The following ULK4 variants were observed in gnomAD, a reference collection of about 807,000 sequenced individuals.
ULK4 encodes unc-51 like kinase 4.
In ULK4, 133 loss-of-function variants were observed where a neutral mutation model predicts 160.6. That is an observed-to-expected ratio of 0.83 (90% CI 0.72 to 0.96). ULK4 has a LOEUF of 0.96. ULK4 is among the 40% of genes least tolerant of loss of function. The pLI is 0.00. For synonymous variants in ULK4, 534 were observed against 539.8 expected (o/e 0.99, Z 0.15); for missense variants, 1,580 against 1,499.5 (o/e 1.05, Z -0.89).
chr3:41,928,213 A>G (rs1363314565), intron 5 of ULK4, among the ~76,000 whole-genome samples: 2 of 152,170 alleles, frequency 1.3e-5, no homozygotes, highest in Non-Finnish European at 2.9e-5. Flanking sequence ...AAACCACACA[A>G]CTACATGGAA....
intron 19 of ULK4, among the ~76,000 whole-genome samples, chr3:41,815,549 C>T (rs1459066265): frequency 6.6e-6 from 1 of 152,164 alleles, no homozygotes; most frequent in Non-Finnish European, 1.5e-5. Context: ...CTCTGTAAAT[C>T]AAGTGAGGAC....
At chr3:41,630,693 C>T (rs1415686141) in intron 30 of ULK4, among the ~76,000 whole-genome samples, 1 of 152,184 alleles carries the variant, frequency 6.6e-6, no homozygotes, top group Non-Finnish European at 1.5e-5. Flanking sequence ...TGGAAATCTC[C>T]AAGGCCATCT....
At chr3:41,836,492 C>T (rs995833275) in intron 17 of ULK4, among the ~76,000 whole-genome samples, 1 of 152,060 alleles carries the variant, frequency 6.6e-6, no homozygotes, top group African/African-American at 2.4e-5. Context: ...TTATAAAGCA[C>T]TTCCACCGTA....
chr3:41,422,468 A>C (rs565900144), intron 34 of ULK4, among the ~76,000 whole-genome samples: 1 of 152,232 alleles, frequency 6.6e-6, no homozygotes, highest in East Asian at 1.9e-4. Context: ...TTTAAGTTTG[A>C]TATTTTTATC....
At chr3:41,887,900 C>T (rs1003384411) in intron 16 of ULK4, among the ~76,000 whole-genome samples, 1 of 151,650 alleles carries the variant, frequency 6.6e-6, no homozygotes, top group African/African-American at 2.4e-5. Context: ...AAGTGACTCA[C>T]ATCTGTAATC....
chr3:41,425,333 G>A (rs1178313615), intron 34 of ULK4, among the ~76,000 whole-genome samples: 3 of 152,162 alleles, frequency 2.0e-5, no homozygotes, highest in Admixed American at 2.0e-4. Flanking sequence ...TGGGGTACCT[G>A]AAAAGATACG....
At chr3:41,911,256 G>A (rs1323573016) in intron 11 of ULK4, 61 bp downstream of exon 11, 2 of 1,525,850 alleles carry the variant, frequency 1.3e-6, no homozygotes, top group African/African-American at 2.8e-5. Flanking sequence ...CAAGATAGCA[G>A]ATGCTTTAAG....
chr3:41,738,295 A>G (rs2038124212), intron 22 of ULK4, among the ~76,000 whole-genome samples: 2 of 151,940 alleles, frequency 1.3e-5, no homozygotes, highest in Non-Finnish European at 2.9e-5. Flanking sequence ...GCAAATCATC[A>G]TAGCCCTGGC....
At chr3:41,735,908 T>C (rs2038024063) in intron 22 of ULK4, among the ~76,000 whole-genome samples, 1 of 139,592 alleles carries the variant, frequency 7.2e-6, no homozygotes, top group African/African-American at 2.7e-5. Context: ...GTTCTCATTG[T>C]TCAATTCCCA....
At chr3:41,955,437 C>A (rs1700449844) in intron 1 of ULK4, 1 of 152,426 alleles carries the variant, frequency 6.6e-6, no homozygotes, top group South Asian at 2.1e-4. Context: ...CATTGGAGAC[C>A]AGCAGCCATG....
At chr3:41,831,923 C>T (rs1314843602) in intron 18 of ULK4, among the ~76,000 whole-genome samples, 2 of 152,070 alleles carry the variant, frequency 1.3e-5, no homozygotes, top group Non-Finnish European at 2.9e-5. Context: ...TGTATATGTG[C>T]CACATTTTCT....
chr3:41,613,612 A>G (rs1305342341), intron 31 of ULK4, among the ~76,000 whole-genome samples: 2 of 152,246 alleles, frequency 1.3e-5, no homozygotes, highest in African/African-American at 4.8e-5. Flanking sequence ...AGTTCACAGG[A>G]TAACTGCTAC....
intron 19 of ULK4, among the ~76,000 whole-genome samples, chr3:41,816,235 T>A (rs899109972): frequency 2.0e-5 from 3 of 152,022 alleles, no homozygotes; most frequent in Non-Finnish European, 4.4e-5. Context: ...AATACACACA[T>A]ACTCACACAC....
intron 35 of ULK4, among the ~76,000 whole-genome samples, chr3:41,379,412 A>C (rs2081596978): frequency 6.6e-6 from 1 of 152,186 alleles, no homozygotes; most frequent in Non-Finnish European, 1.5e-5. Context: ...CAACTGAAAA[A>C]GGAAATCAAG....
chr3:41,761,939 C>T (rs938541062), intron 21 of ULK4, among the ~76,000 whole-genome samples: 2 of 151,814 alleles, frequency 1.3e-5, no homozygotes, highest in African/African-American at 2.4e-5. Flanking sequence ...TAATAATTAG[C>T]CAGGCATGAT....
intron 35 of ULK4, among the ~76,000 whole-genome samples, chr3:41,266,987 T>G (rs2079046056): frequency 8.2e-6 from 1 of 122,228 alleles, no homozygotes; most frequent in Non-Finnish European, 1.6e-5. Context: ...ATGTGGCAAG[T>G]GTGTGTGTGT....
At chr3:41,283,541 G>A (rs573755134) in intron 35 of ULK4, among the ~76,000 whole-genome samples, 6 of 152,158 alleles carry the variant, frequency 3.9e-5, no homozygotes, top group Admixed American at 2.6e-4. Context: ...GCAAACTATC[G>A]CAAGGACAAA....
chr3:41,315,152 T>C (rs2080122709), intron 35 of ULK4, among the ~76,000 whole-genome samples: 1 of 152,210 alleles, frequency 6.6e-6, no homozygotes, highest in African/African-American at 2.4e-5. Flanking sequence ...GTCTGTCTTA[T>C]TAGAAGACAG....
At chr3:41,781,686 C>T (rs1182879730) in intron 21 of ULK4, among the ~76,000 whole-genome samples, 1 of 152,200 alleles carries the variant, frequency 6.6e-6, no homozygotes, top group Non-Finnish European at 1.5e-5. Flanking sequence ...TGCCTGTAAT[C>T]CCAGCACTCT....
Sources: allele counts gnomAD v4.1 joint callset (sites outside exome capture counted in the v4.1 genomes callset), GRCh38; gene constraint gnomAD v4.1.1; transcripts MANE v1.5; gene names NCBI Gene and HGNC (gene_info 2026-07-23, HGNC 2026-07-21).